The following RCOR3 variants were observed in gnomAD, a reference collection of about 807,000 sequenced individuals.
RCOR3 encodes REST corepressor 3.
RCOR3 carries 13 observed loss-of-function variants against 64.1 expected under a neutral mutation model. That is an observed-to-expected ratio of 0.20 (90% CI 0.13 to 0.32). RCOR3 has a LOEUF of 0.32. RCOR3 is among the 10% of genes least tolerant of loss of function. The pLI is 1.00. For synonymous variants in RCOR3, 215 were observed against 239.0 expected, an observed-to-expected ratio of 0.90 and a Z score of 0.93; for missense variants, 489 against 701.2, an observed-to-expected ratio of 0.70 and a Z score of 3.42.
At chr1:211,300,874 G>T (rs2102629522) in intron 9 of RCOR3, among the ~76,000 whole-genome samples, 1 of 152,178 alleles carries the variant, frequency 6.6e-6, no homozygotes, top group African/African-American at 2.4e-5. Context: ...CCTTCTGTGT[G>T]TCTCTTTGAA....
At chr1:211,308,673 GTTTTTTTTTTGTTT>G (rs1435249327) in intron 10 of RCOR3, among the ~76,000 whole-genome samples, 57 of 40,478 alleles carry the variant, frequency 1.4e-3, no homozygotes, top group East Asian at 4.3e-3. Context: ...TTTTTTTTTT[GTTTTTTTTTTGTTT>G]TTTTTTTTTT....
rs1389697717 is a variant in RCOR3 at position 211,304,138 on chromosome 1, A to G, written c.1073A>G (p.Gln358Arg). 4 of 1,578,822 alleles carry G rather than the reference A, an allele frequency of 2.5e-6. No homozygotes were observed. The highest frequency in any genetic ancestry group is 1.8e-5 in the Admixed American group (1 of 55,036). The change falls in exon 10 of 12, where the codon CAA becomes CGA. Residue 358 changes from glutamine (Q) to arginine (R), a missense_variant and splice_region_variant. By Grantham distance (43) the Gln-to-Arg change is conservative (BLOSUM62 1). Coordinates refer to ENST00000419091, the MANE Select transcript of RCOR3 (RefSeq NM_001136223.3). ...ACAGAGGAGCAGCTTCTAGCAGTGC[A>G]AGGTATATTAAAGATAAGCAGTTAT... ...WTTEEQLLAV[Q>R]GVRKYGKDFQ... is the part of the protein sequence containing the mutation.
At chr1:211,264,563 T>C (rs1348714559) in intron 2 of RCOR3, among the ~76,000 whole-genome samples, 2 of 152,176 alleles carry the variant, frequency 1.3e-5, no homozygotes, top group African/African-American at 4.8e-5. Context: ...ACCACATCTG[T>C]ACTTCCAGCT....
intron 10 of RCOR3, among the ~76,000 whole-genome samples, chr1:211,307,738 A>G (rs1259068260): frequency 1.3e-5 from 2 of 151,988 alleles, no homozygotes; most frequent in Non-Finnish European, 2.9e-5. Flanking sequence ...TGCTTAAAAA[A>G]AAATGCTTCC....
chr1:211,305,009 TG>T (rs1700723382), intron 10 of RCOR3, among the ~76,000 whole-genome samples: 1 of 152,094 alleles, frequency 6.6e-6, no homozygotes, highest in South Asian at 2.1e-4. Flanking sequence ...TGTGAGATAG[TG>T]GGGCCCCAAT....
chr1:211,289,941 A>G (rs1699040796), intron 8 of RCOR3, among the ~76,000 whole-genome samples: 1 of 152,170 alleles, frequency 6.6e-6, no homozygotes, highest in Admixed American at 6.5e-5. Flanking sequence ...GGAGCTCTTT[A>G]ACTTCTTTCA....
At chr1:211,303,882 A>T in intron 9 of RCOR3, 1 of 414,862 alleles carries the variant, frequency 2.4e-6, no homozygotes, top group African/African-American at 2.1e-5. Flanking sequence ...GCAAATTGGT[A>T]CATTTCCCTT....
At chr1:211,286,740 C>G (rs1028337858) in intron 7 of RCOR3, among the ~76,000 whole-genome samples, 1 of 152,166 alleles carries the variant, frequency 6.6e-6, no homozygotes, top group African/African-American at 2.4e-5. Flanking sequence ...TTGACTGCAT[C>G]CACTACCATC....
chr1:211,299,067 A>G (rs556607516), intron 9 of RCOR3, among the ~76,000 whole-genome samples: 18 of 152,298 alleles, frequency 1.2e-4, no homozygotes, highest in African/African-American at 4.3e-4. Flanking sequence ...AGTCAAATGG[A>G]AAGACCCTTT....
intron 8 of RCOR3, 66 bp downstream of exon 8, chr1:211,289,462 C>T: frequency 7.9e-7 from 1 of 1,267,750 alleles, no homozygotes; most frequent in Non-Finnish European, 1.1e-6. Context: ...TACCTTTTAC[C>T]TAGGTTGAGC....
At chr1:211,285,080 C>T (rs1384594513) in intron 7 of RCOR3, among the ~76,000 whole-genome samples, 1 of 152,128 alleles carries the variant, frequency 6.6e-6, no homozygotes. Context: ...CTTTGCTCTT[C>T]ATAACTTATT....
intron 2 of RCOR3, among the ~76,000 whole-genome samples, chr1:211,264,110 A>C (rs1449785627): frequency 1.3e-5 from 2 of 152,238 alleles, no homozygotes; most frequent in Non-Finnish European, 2.9e-5. Flanking sequence ...CGGTTGAGCC[A>C]CCACACCCTG....
intron 7 of RCOR3, among the ~76,000 whole-genome samples, chr1:211,286,338 C>T (rs561933877): frequency 7.2e-4 from 106 of 146,380 alleles, no homozygotes; most frequent in African/African-American, 2.5e-3. Flanking sequence ...GAGACAGTCT[C>T]GCTTTGTCAC....
intron 8 of RCOR3, among the ~76,000 whole-genome samples, chr1:211,294,843 C>T (rs2102602505): frequency 6.6e-6 from 1 of 152,150 alleles, no homozygotes; most frequent in African/African-American, 2.4e-5. Context: ...CCTGCCTTGG[C>T]CTCCGAAAGT....
At chr1:211,306,447 T>C (rs1558108143) in intron 10 of RCOR3, among the ~76,000 whole-genome samples, 1 of 152,188 alleles carries the variant, frequency 6.6e-6, no homozygotes, top group Admixed American at 6.5e-5. Flanking sequence ...CATGTTTTAA[T>C]TTGTATAGCA....
chr1:211,262,306 A>G (rs1401236419), intron 2 of RCOR3, among the ~76,000 whole-genome samples: 8 of 152,024 alleles, frequency 5.3e-5, no homozygotes, highest in Admixed American at 5.2e-4. Context: ...AAGTGTTGGG[A>G]TTACAGGTAT....
At chr1:211,298,599 C>T (rs912326204) in intron 9 of RCOR3, among the ~76,000 whole-genome samples, 3 of 152,214 alleles carry the variant, frequency 2.0e-5, no homozygotes, top group Non-Finnish European at 4.4e-5. Flanking sequence ...GGAAGGCAAA[C>T]TTGGATGCAG....
At chr1:211,261,452 A>C (rs1694260125) in intron 2 of RCOR3, among the ~76,000 whole-genome samples, 1 of 152,174 alleles carries the variant, frequency 6.6e-6, no homozygotes, top group Non-Finnish European at 1.5e-5. Context: ...ACTGGCTGGG[A>C]ATACATTTTA....
rs1319688715 is a variant in RCOR3 at position 211,303,969 on chromosome 1, A to G, written c.1018-114A>G. The G allele has an allele frequency of 2.5e-5, 13 of 528,814 alleles. No individual in the cohort carries two copies. The Admixed American group carries it at 4.8e-4, about 20-fold the overall frequency. 32.8% of individuals were successfully genotyped at this position (528,814 alleles called of 1,614,324 possible). A position where few individuals can be genotyped will look rare whatever the true frequency, so the allele number is the denominator to read the frequency against. ...CTTTCTAAAAATGGAATCTTCATGA[A>G]TCAGAGTTGTAGTAATCTCATGTCT... On this transcript the variant is annotated intron_variant, in intron 9 of 11. Coordinates refer to ENST00000419091, the MANE Select transcript of RCOR3 (RefSeq NM_001136223.3).
Sources: allele counts gnomAD v4.1 joint callset (sites outside exome capture counted in the v4.1 genomes callset), GRCh38; gene constraint gnomAD v4.1.1; transcripts MANE v1.5; gene names NCBI Gene and HGNC (gene_info 2026-07-23, HGNC 2026-07-21).